The following AIDA variants were observed in gnomAD, a reference collection of about 807,000 sequenced individuals.
AIDA encodes the protein axin interactor, dorsalization-associated protein.
A neutral mutation model predicts 42.7 loss-of-function variants in AIDA; 18 were observed. The observed-to-expected ratio is 0.42, with a 90% confidence interval of 0.29 to 0.63. The LOEUF (loss-of-function observed/expected upper bound fraction) is 0.63, where lower values mean the gene tolerates loss of function less well. Ranked by LOEUF, AIDA falls within the 20% of genes least tolerant of loss-of-function variation. The pLI is 0.19. For missense variants in AIDA, 250 were observed against 354.1 expected, an observed-to-expected ratio of 0.71 and a Z score of 2.36; for synonymous variants, 104 against 122.9, an observed-to-expected ratio of 0.85 and a Z score of 1.02.
At chr1:222,675,289 A>T (rs1278812716) in intron 7 of AIDA, among the ~76,000 whole-genome samples, 4 of 152,252 alleles carry the variant, frequency 2.6e-5, no homozygotes, top group Non-Finnish European at 5.9e-5. Flanking sequence ...TGACAACTTC[A>T]TTCTCAATCA....
intron 4 of AIDA, among the ~76,000 whole-genome samples, chr1:222,688,174 C>T (rs537691857): frequency 6.6e-6 from 1 of 152,198 alleles, no homozygotes; most frequent in South Asian, 2.1e-4. Context: ...GAGCCATGAT[C>T]ACGCCATTGC....
intron 6 of AIDA, among the ~76,000 whole-genome samples, chr1:222,680,193 T>C (rs1664628735): frequency 6.6e-6 from 1 of 152,220 alleles, no homozygotes; most frequent in South Asian, 2.1e-4. Flanking sequence ...TATAGGTCTT[T>C]GAGCCTCATA....
chr1:222,708,968 A>C (rs1465192932), intron 1 of AIDA, among the ~76,000 whole-genome samples: 1 of 151,048 alleles, frequency 6.6e-6, no homozygotes, highest in Non-Finnish European at 1.5e-5. Flanking sequence ...ATATCTAAAC[A>C]AACAATGACG....
intron 2 of AIDA, among the ~76,000 whole-genome samples, chr1:222,698,448 ATTTTTT>A (rs36041357): frequency 7.9e-6 from 1 of 127,374 alleles, no homozygotes; most frequent in African/African-American, 2.8e-5. Flanking sequence ...TTATTCATCA[ATTTTTT>A]TTTTTTTTTT....
At chr1:222,690,667 T>C (rs966075783) in intron 4 of AIDA, among the ~76,000 whole-genome samples, 2 of 122,430 alleles carry the variant, frequency 1.6e-5, no homozygotes, top group Non-Finnish European at 3.3e-5. Context: ...TATTATAATC[T>C]ATACGTTTAT....
chr1:222,710,987 T>C (rs969844597), intron 1 of AIDA, among the ~76,000 whole-genome samples: 1 of 151,866 alleles, frequency 6.6e-6, no homozygotes, highest in Non-Finnish European at 1.5e-5. Flanking sequence ...TTAAATTATC[T>C]TAATAGATAA....
At chr1:222,683,632 C>T (rs1389087894) in intron 6 of AIDA, among the ~76,000 whole-genome samples, 2 of 152,122 alleles carry the variant, frequency 1.3e-5, no homozygotes, top group East Asian at 3.8e-4. Flanking sequence ...TTTTAAAAGT[C>T]TTGTGTAAAG....
intron 6 of AIDA, among the ~76,000 whole-genome samples, chr1:222,676,690 C>CT (rs113505193): frequency 0.014 from 2,132 of 152,082 alleles, 54 homozygotes; most frequent in African/African-American, 0.049. Context: ...GTGTCTCACT[C>CT]TGTCACCCAG....
intron 8 of AIDA, among the ~76,000 whole-genome samples, chr1:222,670,701 T>C (rs1382957853): frequency 1.3e-5 from 2 of 152,180 alleles, no homozygotes; most frequent in Non-Finnish European, 2.9e-5. Flanking sequence ...AAAAATTCAA[T>C]CTTGGGGGTA....
intron 3 of AIDA, 132 bp downstream of exon 3, chr1:222,694,078 T>C (rs1655449662): frequency 6.7e-6 from 6 of 895,392 alleles, no homozygotes; most frequent in Middle Eastern, 5.6e-4. Context: ...ACTAAAAAAG[T>C]ATGAATTTAA....
intron 6 of AIDA, among the ~76,000 whole-genome samples, chr1:222,686,382 T>C (rs1655182843): frequency 6.6e-6 from 1 of 152,192 alleles, no homozygotes; most frequent in Admixed American, 6.5e-5. Flanking sequence ...AAACATCTTG[T>C]TTCTTCTGTA....
chr1:222,685,841 T>C (rs1485766558), intron 6 of AIDA, among the ~76,000 whole-genome samples: 2 of 152,178 alleles, frequency 1.3e-5, no homozygotes, highest in African/African-American at 4.8e-5. Context: ...GGTCCACTTT[T>C]AACCACCACA....
chr1:222,673,369 T>C lies in AIDA; in HGVS notation c.650A>G (p.Tyr217Cys). ...CTCAATGTCCACATTAAAATGAACATATGTATCTTCTTTTCTTGAAGCCAC... is the reference window on the plus strand; with the variant it reads ...CTCAATGTCCACATTAAAATGAACACATGTATCTTCTTTTCTTGAAGCCAC... ...TPVASRKEDT[Y>C]VHFNVDIELQ... Residue 217 changes from tyrosine to cysteine, a missense_variant, in exon 8 of 10, where the codon TAT (tyrosine) becomes TGT (cysteine). Physicochemically the swap from Tyr to Cys is radical, Grantham distance 194. Coordinates refer to ENST00000340020, the MANE Select transcript of AIDA (RefSeq NM_022831.4). 8 of 1,611,396 alleles carry C rather than the reference T, an allele frequency of 5.0e-6. No individual in the cohort carries two copies. Among genetic ancestry groups the C allele is most frequent in the Non-Finnish European group, 6.8e-6 (8 of 1,178,520 alleles).
intron 6 of AIDA, among the ~76,000 whole-genome samples, chr1:222,676,617 C>T (rs1664547927): frequency 6.6e-6 from 1 of 151,996 alleles, no homozygotes; most frequent in Non-Finnish European, 1.5e-5. Flanking sequence ...TTATATTATC[C>T]TAACATTTGA....
chr1:222,705,904 T>A (rs1319739023), intron 1 of AIDA, among the ~76,000 whole-genome samples: 1 of 151,346 alleles, frequency 6.6e-6, no homozygotes, highest in Admixed American at 6.6e-5. Context: ...CACAAAAGAA[T>A]CAGAGGAAAT....
At chr1:222,711,520 G>C (rs1050143181) in intron 1 of AIDA, 1 of 152,274 alleles carries the variant, frequency 6.6e-6, no homozygotes, top group Non-Finnish European at 1.5e-5. Flanking sequence ...AGGCAACCGA[G>C]CGAGGGGGTG....
chr1:222,680,375 A>G (rs943959134), intron 6 of AIDA, among the ~76,000 whole-genome samples: 1 of 152,152 alleles, frequency 6.6e-6, no homozygotes, highest in Admixed American at 6.5e-5. Context: ...GCTGAAGCAA[A>G]CATGCTCTAC....
In AIDA at chr1:222,670,168, C is replaced by T. The variant is rs969260576; in HGVS notation, c.789G>A (p.Met263Ile). The T allele has an allele frequency of 6.2e-7, 1 of 1,613,886 alleles. No individual in the cohort carries two copies. The highest frequency in any genetic ancestry group is 1.3e-5 in the African/African-American group (1 of 74,930). ...CAATTGGCCCAGGTTTAATTTCATC[C>T]ATCTCCATGAAAGCAAAACACTTGG... is the stretch of plus-strand genomic sequence containing the variant. Reference protein sequence around the residue: ...TSTKCFAFMEMDEIKPGPIVI... With the variant: ...TSTKCFAFMEIDEIKPGPIVI... The change falls in exon 9 of 10, where the codon ATG becomes ATA. Residue 263 changes from methionine (M) to isoleucine (I), a missense_variant. By Grantham distance (10) the Met-to-Ile change is conservative (BLOSUM62 1). Transcript: ENST00000340020.
intron 6 of AIDA, among the ~76,000 whole-genome samples, chr1:222,680,588 T>C (rs992385041): frequency 6.6e-6 from 1 of 152,206 alleles, no homozygotes; most frequent in Non-Finnish European, 1.5e-5. Context: ...TGAGACCTAC[T>C]TATTAATATG....
Sources: allele counts gnomAD v4.1 joint callset (sites outside exome capture counted in the v4.1 genomes callset), GRCh38; gene constraint gnomAD v4.1.1; transcripts MANE v1.5; gene names NCBI Gene and HGNC (gene_info 2026-07-23, HGNC 2026-07-21).